Variants in MACROD2 observed in about 807,000 individuals in gnomAD.
MACROD2 encodes ADP-ribose glycohydrolase MACROD2.
In MACROD2, 36 loss-of-function variants were observed where a neutral mutation model predicts 70.4. That is an observed-to-expected ratio of 0.51 (90% CI 0.39 to 0.68). MACROD2 has a LOEUF of 0.68. MACROD2 is among the 30% of genes least tolerant of loss of function. The pLI is 0.00. For missense variants in MACROD2, 496 were observed against 538.4 expected (o/e 0.92, Z 0.78); for synonymous variants, 172 against 178.8 (o/e 0.96, Z 0.30).
intron 8 of MACROD2, among the ~76,000 whole-genome samples, chr20:15,792,540 G>A (rs2063634325): frequency 6.6e-6 from 1 of 151,896 alleles, no homozygotes; most frequent in African/African-American, 2.4e-5. Context: ...AAATACAAAT[G>A]GACAATAAAA....
intron 5 of MACROD2, among the ~76,000 whole-genome samples, chr20:14,866,232 G>T (rs1187628425): frequency 6.6e-6 from 1 of 152,134 alleles, no homozygotes; most frequent in Non-Finnish European, 1.5e-5. Flanking sequence ...GAACTTAACT[G>T]GATGTGTCTT....
At chr20:14,550,785 T>C (rs1296122929) in intron 4 of MACROD2, among the ~76,000 whole-genome samples, 1 of 152,180 alleles carries the variant, frequency 6.6e-6, no homozygotes, top group Non-Finnish European at 1.5e-5. Context: ...TCATAGTCAG[T>C]ATTCAATGGC....
intron 10 of MACROD2, among the ~76,000 whole-genome samples, chr20:15,904,832 G>A (rs2065120305): frequency 6.8e-6 from 1 of 146,306 alleles, no homozygotes; most frequent in African/African-American, 2.6e-5. Context: ...AGTGAGCCAC[G>A]ATCGCAGCAC....
intron 4 of MACROD2, among the ~76,000 whole-genome samples, chr20:14,501,763 C>CT (rs1184282616): frequency 6.6e-6 from 1 of 152,124 alleles, no homozygotes; most frequent in East Asian, 1.9e-4. Flanking sequence ...TGGAAGCCCT[C>CT]TTTTCAGATG....
intron 3 of MACROD2, among the ~76,000 whole-genome samples, chr20:14,210,316 A>G (rs747071342): frequency 6.6e-6 from 1 of 152,220 alleles, no homozygotes; most frequent in Non-Finnish European, 1.5e-5. Context: ...AGCTGGGGTA[A>G]TGTCAGAGGT....
intron 3 of MACROD2, among the ~76,000 whole-genome samples, chr20:14,278,616 T>C (rs2082278795): frequency 6.6e-6 from 1 of 152,192 alleles, no homozygotes; most frequent in South Asian, 2.1e-4. Context: ...TATGTTTGCA[T>C]AATATAAATT....
intron 3 of MACROD2, among the ~76,000 whole-genome samples, chr20:14,234,981 T>A (rs2081855510): frequency 6.6e-6 from 1 of 152,206 alleles, no homozygotes; most frequent in Non-Finnish European, 1.5e-5. Context: ...GTAATTTTTT[T>A]AACTAAGTTT....
intron 15 of MACROD2, among the ~76,000 whole-genome samples, chr20:15,990,890 A>G (rs190916145): frequency 6.6e-6 from 1 of 152,316 alleles, no homozygotes; most frequent in Non-Finnish European, 1.5e-5. Flanking sequence ...CTCCAGTTTT[A>G]TAAATTTTCT....
At chr20:15,380,207 T>C (rs951427851) in intron 6 of MACROD2, among the ~76,000 whole-genome samples, 2 of 152,162 alleles carry the variant, frequency 1.3e-5, no homozygotes, top group South Asian at 2.1e-4. Context: ...ACAGCACTTA[T>C]CACAATCTGA....
chr20:15,423,573 C>G (rs1460491984), intron 6 of MACROD2, among the ~76,000 whole-genome samples: 1 of 151,824 alleles, frequency 6.6e-6, no homozygotes, highest in Non-Finnish European at 1.5e-5. Context: ...CTGTCAAGAG[C>G]TCTTTTCTTG....
chr20:15,994,341 C>T (rs1001891872), intron 15 of MACROD2, among the ~76,000 whole-genome samples: 5 of 152,076 alleles, frequency 3.3e-5, no homozygotes, highest in African/African-American at 1.2e-4. Context: ...TTTCTAAAAT[C>T]TGGCTTATTA....
intron 9 of MACROD2, 84 bp from the exon 10 acceptor site, chr20:15,885,679 AT>A (rs940099861): frequency 1.3e-5 from 16 of 1,246,424 alleles, no homozygotes; most frequent in African/African-American, 4.0e-5. Context: ...CCTTTCTTTG[AT>A]TTTTTTTAAT....
chr20:14,975,527 C>T (rs2074731423), intron 5 of MACROD2, among the ~76,000 whole-genome samples: 1 of 151,988 alleles, frequency 6.6e-6, no homozygotes, highest in Non-Finnish European at 1.5e-5. Context: ...TGCTTGAGGA[C>T]AGAGAGATTT....
intron 5 of MACROD2, among the ~76,000 whole-genome samples, chr20:15,222,214 A>T (rs2076867989): frequency 6.6e-6 from 1 of 152,230 alleles, no homozygotes. Flanking sequence ...AGTAATCCGA[A>T]TTTAGAAAAA....
chr20:14,449,450 G>C (rs557950210), intron 3 of MACROD2, among the ~76,000 whole-genome samples: 3 of 152,238 alleles, frequency 2.0e-5, no homozygotes, highest in African/African-American at 7.2e-5. Context: ...GTTAGACACT[G>C]TGCTAGGCTC....
intron 3 of MACROD2, among the ~76,000 whole-genome samples, chr20:14,172,091 T>C (rs2081226193): frequency 6.6e-6 from 1 of 152,174 alleles, no homozygotes; most frequent in Non-Finnish European, 1.5e-5. Context: ...TATATAATTT[T>C]CCTCTTTGTC....
intron 2 of MACROD2, among the ~76,000 whole-genome samples, chr20:14,055,135 C>T (rs1457881082): frequency 2.0e-5 from 3 of 152,056 alleles, no homozygotes; most frequent in Non-Finnish European, 4.4e-5. Flanking sequence ...TTTTGTGAAA[C>T]TCCAAGGAAA....
At chr20:14,205,010 G>T (rs1389941314) in intron 3 of MACROD2, among the ~76,000 whole-genome samples, 1 of 152,134 alleles carries the variant, frequency 6.6e-6, no homozygotes, top group Non-Finnish European at 1.5e-5. Context: ...GAGAGGAAAT[G>T]CTGTAACTAG....
intron 3 of MACROD2, among the ~76,000 whole-genome samples, chr20:14,176,150 C>A (rs1194466873): frequency 6.6e-6 from 1 of 152,142 alleles, no homozygotes; most frequent in African/African-American, 2.4e-5. Flanking sequence ...TAACTTGAAC[C>A]TATTTTTCTT....
Sources: allele counts gnomAD v4.1 joint callset (sites outside exome capture counted in the v4.1 genomes callset), GRCh38; gene constraint gnomAD v4.1.1; transcripts MANE v1.5; gene names NCBI Gene and HGNC (gene_info 2026-07-23, HGNC 2026-07-21).